Variants in AK8 observed in about 807,000 individuals in gnomAD.
AK8 encodes ATP-AMP transphosphorylase 8.
In AK8, 44 loss-of-function variants were observed where a neutral mutation model predicts 54.6. The observed-to-expected ratio is 0.81, with a 90% CI of 0.63 to 1.04. The LOEUF (loss-of-function observed/expected upper bound fraction) is 1.04. Ranked by LOEUF, AK8 falls within the 50% of genes least tolerant of loss-of-function variation. The pLI is 0.00. For synonymous variants in AK8, 239 were observed against 245.6 expected (o/e 0.97, Z 0.25); for missense variants, 555 against 613.6 (o/e 0.90, Z 1.01).
At chr9:132,821,612 A>C (rs1348447431) in intron 9 of AK8, among the ~76,000 whole-genome samples, 1 of 151,762 alleles carries the variant, frequency 6.6e-6, no homozygotes, top group East Asian at 1.9e-4. Context: ...TTAGAATTGT[A>C]AGCTGGAGGA....
intron 11 of AK8, among the ~76,000 whole-genome samples, chr9:132,736,074 TA>T (rs1403719846): frequency 2.0e-5 from 3 of 152,112 alleles, no homozygotes; most frequent in Non-Finnish European, 1.5e-5. Context: ...AAAGGCACAG[TA>T]AAAATAGGGT....
chr9:132,750,452 G>A (rs890323791), intron 11 of AK8, among the ~76,000 whole-genome samples: 4 of 151,820 alleles, frequency 2.6e-5, no homozygotes, highest in African/African-American at 9.7e-5. Context: ...TTTCTGTCCG[G>A]CATCGGGGCA....
At chr9:132,821,249 C>G (rs1381629010) in intron 9 of AK8, among the ~76,000 whole-genome samples, 1 of 151,892 alleles carries the variant, frequency 6.6e-6, no homozygotes, top group Non-Finnish European at 1.5e-5. Flanking sequence ...CAGACTCTCC[C>G]TCCACCGCGA....
chr9:132,739,771 T>C (rs936473855), intron 11 of AK8, among the ~76,000 whole-genome samples: 1 of 152,112 alleles, frequency 6.6e-6, no homozygotes, highest in Non-Finnish European at 1.5e-5. Context: ...TCTACTAACA[T>C]GGAAGTCAGG....
At position 132,814,821 on chromosome 9, in the gene AK8, A is replaced by G. The variant is rs2131261299; in HGVS notation, c.890-94T>C. 1.9e-5 allele frequency: 20 copies of G among 1,040,350 alleles called. 1 individual carries two copies. In the South Asian group the frequency reaches 3.1e-4, roughly 16 times the overall value. The allele number at this position is 1,040,350 out of a possible 1,614,324, so 64.4% of individuals were successfully genotyped here. On this transcript the variant is annotated intron_variant, in intron 9 of 12. Transcript: ENST00000298545. ...CCCCCAGTGCTGCCTGCTGAGGGAA[A>G]AAAAAAAGGTCACTGAAAAAAGCAT...
At chr9:132,839,830 G>C (rs537430499) in intron 5 of AK8, among the ~76,000 whole-genome samples, 25 of 141,514 alleles carry the variant, frequency 1.8e-4, no homozygotes, top group South Asian at 6.7e-4. Context: ...CGGGGGGGGG[G>C]GCGCAGGGAC....
In AK8 at chr9:132,733,645, C is replaced by T. The variant is rs78600645; in HGVS notation, c.1122-6111G>A. Among the ~76,000 whole-genome samples, 481 of 152,360 alleles carry T rather than the reference C, an allele frequency of 3.2e-3. 1 individual carries two copies. Among genetic ancestry groups the T allele is most frequent in the Non-Finnish European group, 5.4e-3 (370 of 68,032 alleles). ...CTGGAAGCTTCTGATTATCCTGGCT[C>T]ATTGCGCCCAATGTGAGGGCCAGGT... is the stretch of plus-strand genomic sequence containing the variant. On this transcript the variant is annotated intron_variant, in intron 11 of 12. Transcript: ENST00000298545.
chr9:132,761,634 A>G (rs1032278989), intron 11 of AK8, among the ~76,000 whole-genome samples: 10 of 151,922 alleles, frequency 6.6e-5, no homozygotes, highest in African/African-American at 2.4e-4. Context: ...TATGTTTCCA[A>G]ATGTATTGCC....
At chr9:132,780,531 T>C (rs1489774865) in intron 11 of AK8, among the ~76,000 whole-genome samples, 1 of 152,218 alleles carries the variant, frequency 6.6e-6, no homozygotes, top group African/African-American at 2.4e-5. Context: ...TGTCACTGCC[T>C]TTCCAGGGAC....
At chr9:132,744,636 TATTA>T (rs1011049298) in intron 11 of AK8, among the ~76,000 whole-genome samples, 14 of 152,266 alleles carry the variant, frequency 9.2e-5, no homozygotes, top group Admixed American at 1.3e-4. Flanking sequence ...TAACCAGTGG[TATTA>T]ATTAAGGGGG....
At chr9:132,859,543 G>A (rs1185615301) in intron 4 of AK8, among the ~76,000 whole-genome samples, 1 of 151,780 alleles carries the variant, frequency 6.6e-6, no homozygotes, top group Non-Finnish European at 1.5e-5. Flanking sequence ...AGAAATTGAA[G>A]GCTCATAAGT....
At chr9:132,846,504 G>GATGAATGAATGAATGA (rs56358230) in intron 5 of AK8, among the ~76,000 whole-genome samples, 6 of 150,872 alleles carry the variant, frequency 4.0e-5, no homozygotes, top group African/African-American at 1.5e-4. Context: ...TGAGAGAATA[G>GATGAATGAATGAATGA]ATGAATGAAT....
In AK8 at chr9:132,878,204, C is replaced by CA; in HGVS notation, c.51_52insT (p.Gly18TrpfsTer35). 1 of 1,463,430 alleles carries CA rather than the reference C, an allele frequency of 6.8e-7. No individual in the cohort carries two copies. The highest frequency in any genetic ancestry group is 9.1e-7 in the Non-Finnish European group (1 of 1,104,398). 90.7% of individuals were successfully genotyped at this position (1,463,430 alleles called of 1,614,324 possible). A position where few individuals can be genotyped will look rare whatever the true frequency, so the allele number is the denominator to read the frequency against. On this transcript the variant is annotated frameshift_variant, in exon 1 of 13. Transcript: ENST00000298545. LOFTEE classifies it high-confidence loss of function. The surrounding 1 kb of genome is among the most constrained non-coding windows in gnomAD (Gnocchi z 4.7). ...AACTCGAAGATGTGGTTCTCCTCCC[C>CA]GTACTGGGGCATCTCGGGGGGGATA...
Position 132,803,596 on chromosome 9 carries a change from A to G in AK8, c.980-10821T>C, listed in dbSNP as rs1840569759. ...AAGCCAACAAATGGGATCCTAGGAA[A>G]GCTCGCCTTACAGATGGGAAAACTG... On this transcript the variant is annotated intron_variant, in intron 10 of 12. Coordinates refer to ENST00000298545, the MANE Select transcript of AK8 (RefSeq NM_152572.3). This position sits in a 1 kb window ranked among gnomAD's most constrained non-coding sequence, Gnocchi z 4.4. 6.6e-6 allele frequency among the ~76,000 whole-genome samples: 1 copy of G among 152,134 alleles called. No individual in the cohort carries two copies. The highest frequency in any genetic ancestry group is 2.4e-5 in the African/African-American group (1 of 41,434).
intron 5 of AK8, among the ~76,000 whole-genome samples, chr9:132,841,951 G>A (rs1842563125): frequency 6.6e-6 from 1 of 152,128 alleles, no homozygotes; most frequent in East Asian, 1.9e-4. Context: ...CCCAAGGGGG[G>A]ACCTCCACCC....
chr9:132,859,644 C>T (rs1176236159), intron 4 of AK8, among the ~76,000 whole-genome samples: 1 of 150,850 alleles, frequency 6.6e-6, no homozygotes. Context: ...CCCCCTCCTT[C>T]CCCGTCTCCT....
At chr9:132,748,463 G>A (rs1837757187) in intron 11 of AK8, among the ~76,000 whole-genome samples, 1 of 151,952 alleles carries the variant, frequency 6.6e-6, no homozygotes, top group African/African-American at 2.4e-5. Context: ...GTGCGAGAGG[G>A]CTCAGGTGAG....
intron 9 of AK8, 69 bp from the exon 10 acceptor site, chr9:132,814,796 C>A: frequency 1.4e-6 from 2 of 1,387,286 alleles, no homozygotes; most frequent in South Asian, 1.3e-5. Context: ...AAAAAAAGAA[C>A]CCCCAGTGCT....
rs768297504 is a variant in AK8, at chr9:132,739,441, C to CAAAA, written c.1122-11911_1122-11908dup. 1.3e-3 allele frequency among the ~76,000 whole-genome samples: 39 copies of CAAAA among 31,172 alleles called. 8 individuals carry two copies. Among genetic ancestry groups the CAAAA allele is most frequent in the Middle Eastern group, 0.043 (2 of 46 alleles). 20.5% of individuals were successfully genotyped at this position (31,172 alleles called of 152,430 possible). A position where few individuals can be genotyped will look rare whatever the true frequency, so the allele number is the denominator to read the frequency against. On this transcript the variant is annotated intron_variant, in intron 11 of 12. Transcript: ENST00000298545. ...TGGGCAACAGAGAGTGACTCTGTCT[C>CAAAA]AAAAAAAAAAAAAAAAAAAAAAAAA...
Sources: allele counts gnomAD v4.1 joint callset (sites outside exome capture counted in the v4.1 genomes callset), GRCh38; gene constraint gnomAD v4.1.1; non-coding constraint Gnocchi (gnomAD v3.1); transcripts MANE v1.5; gene names NCBI Gene and HGNC (gene_info 2026-07-23, HGNC 2026-07-21).